RTF2: variants seen among roughly 807,000 people sequenced by gnomAD.
RTF2 encodes the protein UPF0549 protein C20orf43.
In RTF2, 18 loss-of-function variants were observed where a neutral mutation model predicts 38.0. The observed-to-expected ratio is 0.47, with a 90% confidence interval of 0.33 to 0.70. The LOEUF (loss-of-function observed/expected upper bound fraction) is 0.70, where lower values mean the gene tolerates loss of function less well. Ranked by LOEUF, RTF2 falls within the 30% of genes least tolerant of loss-of-function variation. The pLI is 0.02. For missense variants in RTF2, 311 were observed against 379.6 expected (o/e 0.82, Z 1.50); for synonymous variants, 126 against 137.1 (o/e 0.92, Z 0.57).
In RTF2 at chr20:56,499,947, G is replaced by C. The variant is rs1484911562; in HGVS notation, c.478-13368G>C. 2.0e-5 allele frequency among the ~76,000 whole-genome samples: 3 copies of C among 151,496 alleles called. 1 individual carries two copies. On this transcript the variant is annotated intron_variant, in intron 5 of 8. Transcript: ENST00000357348. Reference sequence around the variant, plus strand: ...GATGGGATTTCACCATGTTGGCCAGGCTGGTCTTGAACTCCTGACCTCATG... The same window carrying C: ...GATGGGATTTCACCATGTTGGCCAGCCTGGTCTTGAACTCCTGACCTCATG...
intron 4 of RTF2, among the ~76,000 whole-genome samples, chr20:56,479,818 CTTTTTTTT>C (rs56227133): frequency 2.0e-4 from 28 of 142,394 alleles, no homozygotes; most frequent in Non-Finnish European, 3.7e-4. Flanking sequence ...TGAAAGGAAT[CTTTTTTTT>C]TTTTTTTTTT....
chr20:56,517,114 G>A lies in RTF2; in HGVS notation c.655G>A (p.Gly219Arg), dbSNP rs2146385482. ...CTTTGTTTCTTTTACAGAAGCCCCAGGGCCATCAAAAGTTAAGACAGGGAA... is the reference window on the plus strand; with the variant it reads ...CTTTGTTTCTTTTACAGAAGCCCCAAGGCCATCAAAAGTTAAGACAGGGAA... ...SKPDVSEEAPGPSKVKTGKPE... is the reference protein window; with the variant it reads ...SKPDVSEEAPRPSKVKTGKPE... The change falls in exon 8 of 9, where the codon GGG becomes AGG. Residue 219 changes from glycine (G) to arginine (R), a missense_variant. Gly to Arg is a moderately radical substitution (Grantham distance 125). Transcript: ENST00000357348. 6.2e-7 allele frequency: 1 copy of A among 1,614,126 alleles called. No homozygotes were observed. The highest frequency in any genetic ancestry group is 1.1e-5 in the South Asian group (1 of 91,082).
chr20:56,515,300 C>T (rs6127778), intron 6 of RTF2, among the ~76,000 whole-genome samples: 2 of 152,028 alleles, frequency 1.3e-5, no homozygotes, highest in Non-Finnish European at 2.9e-5. Context: ...AGCCGGGTGC[C>T]GTGGCTCACA....
In RTF2 at chr20:56,484,102, T is replaced by C. The variant is rs1198344672; in HGVS notation, c.399-9T>C. Reference sequence around the variant, plus strand: ...ATACAGTCCTTCCCCCACTGGGTTATTTCTCCAGGTTCTGCTTCCTTCGGT... The same window carrying C: ...ATACAGTCCTTCCCCCACTGGGTTACTTCTCCAGGTTCTGCTTCCTTCGGT... On this transcript the variant is annotated splice_polypyrimidine_tract_variant and intron_variant, in intron 4 of 8. Transcript: ENST00000357348. The C allele has an allele frequency of 3.1e-6, 5 of 1,613,842 alleles. No individual in the cohort carries two copies. Among genetic ancestry groups the C allele is most frequent in the African/African-American group, 2.7e-5 (2 of 75,048 alleles).
chr20:56,494,005 C>G (rs1360919425), intron 5 of RTF2, among the ~76,000 whole-genome samples: 1 of 152,162 alleles, frequency 6.6e-6, no homozygotes, highest in Admixed American at 6.5e-5. Flanking sequence ...GGAGTGACTT[C>G]ACTTACCTGA....
At chr20:56,513,518 GT>G in intron 6 of RTF2, 90 bp downstream of exon 6, 1 of 1,503,396 alleles carries the variant, frequency 6.7e-7, no homozygotes, top group African/African-American at 1.4e-5. Flanking sequence ...CTGCTTAGGG[GT>G]TTGCATGATC....
intron 5 of RTF2, among the ~76,000 whole-genome samples, chr20:56,490,445 T>C (rs570513607): frequency 2.6e-5 from 4 of 152,350 alleles, no homozygotes; most frequent in African/African-American, 9.6e-5. Flanking sequence ...GATCTGTGAA[T>C]AGAGATAATC....
chr20:56,468,949 A>G (rs532066070), intron 1 of RTF2, among the ~76,000 whole-genome samples, 183 bp downstream of exon 1: 14 of 152,304 alleles, frequency 9.2e-5, no homozygotes, highest in Admixed American at 3.9e-4. Context: ...GGTGCTGACT[A>G]TTGCCATTCA....
At chr20:56,479,330 AT>A (rs35747093) in intron 4 of RTF2, among the ~76,000 whole-genome samples, 7,022 of 152,192 alleles carry the variant, frequency 0.046, 464 homozygotes, top group East Asian at 0.29. Flanking sequence ...GGTTCAAGTA[AT>A]TCTGCTGCCT....
intron 5 of RTF2, among the ~76,000 whole-genome samples, chr20:56,498,058 A>G (rs2146348220): frequency 6.6e-6 from 1 of 152,102 alleles, no homozygotes; most frequent in South Asian, 2.1e-4. Context: ...TTTACTTTGC[A>G]TTTCCCTAAT....
intron 5 of RTF2, chr20:56,497,096 C>T: frequency 6.4e-7 from 1 of 1,551,720 alleles, no homozygotes; most frequent in Non-Finnish European, 8.7e-7. Context: ...AAGCCACCTT[C>T]TCTGTCTTGG....
intron 2 of RTF2, among the ~76,000 whole-genome samples, chr20:56,474,441 A>G (rs896816757): frequency 6.6e-6 from 1 of 152,230 alleles, no homozygotes; most frequent in Non-Finnish European, 1.5e-5. Context: ...AGATTGCACC[A>G]TTGCACTCCA....
chr20:56,500,979 T>TA lies in RTF2; in HGVS notation c.478-12328dup, dbSNP rs201207164. 3.6e-3 allele frequency among the ~76,000 whole-genome samples: 547 copies of TA among 151,900 alleles called. 3 individuals are homozygous for TA. Among genetic ancestry groups the TA allele is most frequent in the Middle Eastern group, 6.8e-3 (2 of 292 alleles). ...GTTTTGCCACACAAGCTTTTTTTTT[T>TA]AAAAAAAATCTTTTAAAAATTGATA... On this transcript the variant is annotated intron_variant, in intron 5 of 8. Transcript: ENST00000357348.
At chr20:56,487,503 A>G (rs892335990) in intron 5 of RTF2, among the ~76,000 whole-genome samples, 1 of 152,216 alleles carries the variant, frequency 6.6e-6, no homozygotes, top group Non-Finnish European at 1.5e-5. Flanking sequence ...TGCAGTTATG[A>G]CAGGGCACTG....
rs553527920 is a variant in RTF2 at position 56,479,300 on chromosome 20, A to G, written c.398+2176A>G. On this transcript the variant is annotated intron_variant, in intron 4 of 8. Coordinates refer to ENST00000357348, the MANE Select transcript of RTF2 (RefSeq NM_016407.5). ...GAGTGCAGTGGCACAATCTCGGCTC[A>G]CTGCAACCCCCACCTCCTGGGTTCA... Among the ~76,000 whole-genome samples, 3 of 152,032 alleles carry G rather than the reference A, an allele frequency of 2.0e-5. No homozygotes were observed. The South Asian group carries it at 6.2e-4, about 32-fold the overall frequency.
chr20:56,489,657 C>T (rs146127658), intron 5 of RTF2, among the ~76,000 whole-genome samples: 109 of 152,340 alleles, frequency 7.2e-4, no homozygotes, highest in Non-Finnish European at 1.0e-3. Context: ...GTCCTCCTAA[C>T]GGTGCTGGTG....
At chr20:56,497,091 A>G in intron 5 of RTF2, 1 of 1,551,754 alleles carries the variant, frequency 6.4e-7, no homozygotes, top group South Asian at 1.2e-5. Context: ...AGCATAAGCC[A>G]CCTTCTCTGT....
chr20:56,469,456 G>A (rs1395909785), intron 1 of RTF2, among the ~76,000 whole-genome samples: 2 of 152,236 alleles, frequency 1.3e-5, no homozygotes, highest in Non-Finnish European at 2.9e-5. Flanking sequence ...ATTGAGTCCA[G>A]GGATATTAAG....
At chr20:56,493,979 C>G (rs1282549875) in intron 5 of RTF2, among the ~76,000 whole-genome samples, 1 of 152,194 alleles carries the variant, frequency 6.6e-6, no homozygotes, top group East Asian at 1.9e-4. Flanking sequence ...CCCTGCCCCT[C>G]CTCCCTGTGC....
Sources: allele counts gnomAD v4.1 joint callset (sites outside exome capture counted in the v4.1 genomes callset), GRCh38; gene constraint gnomAD v4.1.1; transcripts MANE v1.5; gene names NCBI Gene and HGNC (gene_info 2026-07-23, HGNC 2026-07-21).